ZZEF1: variants seen among roughly 807,000 people sequenced by gnomAD.
The protein encoded by ZZEF1 is zinc finger ZZ-type and EF-hand domain containing 1.
In ZZEF1, 157 loss-of-function variants were observed where a neutral mutation model predicts 342.8. The observed-to-expected ratio is 0.46, with a 90% CI of 0.40 to 0.52. ZZEF1 has a LOEUF of 0.52. Among genes scored for constraint, ZZEF1 ranks in the 20% least tolerant of loss-of-function variants. The pLI, the probability that ZZEF1 is intolerant of heterozygous loss-of-function variation, is 0.00. For synonymous variants in ZZEF1, 1,505 were observed against 1,429.1 expected (o/e 1.05, Z -1.20); for missense variants, 3,480 against 3,725.6 (o/e 0.93, Z 1.72).
Position 4,133,229 on chromosome 17 carries a change from G to A in ZZEF1, c.355-9178C>T, listed in dbSNP as rs550979705. On this transcript the variant is annotated intron_variant, in intron 1 of 54. Transcript: ENST00000381638. The stretch of plus-strand genomic sequence containing the variant: ...TATTTGGGCACTCGTTAAATGCCAG[G>A]CACCGAGCAGAGCATTTTATATACT... 2.0e-5 allele frequency among the ~76,000 whole-genome samples: 3 copies of A among 152,204 alleles called. No homozygotes were observed. The South Asian group carries it at 6.2e-4, about 32-fold the overall frequency.
At chr17:4,063,610 G>A (rs2057328900) in intron 29 of ZZEF1, among the ~76,000 whole-genome samples, 1 of 152,102 alleles carries the variant, frequency 6.6e-6, no homozygotes, top group South Asian at 2.1e-4. Context: ...CACCCAGGCT[G>A]GAGTTAAGTG....
chr17:4,072,860 A>G (rs1403996288), intron 24 of ZZEF1, 104 bp from the exon 25 acceptor site: 2 of 1,202,348 alleles, frequency 1.7e-6, no homozygotes, highest in East Asian at 2.5e-5. Flanking sequence ...GATACTATTA[A>G]AACTTAGAGA....
intron 34 of ZZEF1, 100 bp from the exon 35 acceptor site, chr17:4,052,236 G>C: frequency 8.2e-7 from 1 of 1,224,340 alleles, no homozygotes; most frequent in Non-Finnish European, 1.1e-6. Flanking sequence ...CCGTTCCCAA[G>C]TGACTGCTCA....
intron 39 of ZZEF1, among the ~76,000 whole-genome samples, chr17:4,040,918 C>T (rs529996873): frequency 1.3e-5 from 2 of 152,336 alleles, no homozygotes; most frequent in African/African-American, 4.8e-5. Context: ...GAGATGGTTG[C>T]TCAACGTGCT....
chr17:4,141,433 C>T (rs941581410), intron 1 of ZZEF1, among the ~76,000 whole-genome samples: 2 of 152,190 alleles, frequency 1.3e-5, no homozygotes, highest in Non-Finnish European at 2.9e-5. Context: ...TTCTACATGA[C>T]TGGCTAACTC....
At chr17:4,059,124 A>T (rs752830200) in intron 31 of ZZEF1, 47 bp downstream of exon 31, 1 of 1,455,148 alleles carries the variant, frequency 6.9e-7, no homozygotes, top group Admixed American at 2.8e-5. Flanking sequence ...TTATAATCAG[A>T]AAAAAATACA....
chr17:4,029,132 G>C (rs1479357343), intron 42 of ZZEF1, among the ~76,000 whole-genome samples: 1 of 152,098 alleles, frequency 6.6e-6, no homozygotes, highest in African/African-American at 2.4e-5. Flanking sequence ...ACATCTATAG[G>C]ATACTCCACC....
At chr17:4,031,380 T>C (rs543076258) in intron 42 of ZZEF1, among the ~76,000 whole-genome samples, 37 of 150,528 alleles carry the variant, frequency 2.5e-4, no homozygotes, top group African/African-American at 8.8e-4. Context: ...AGTGTAGTAC[T>C]GAAGTAAGGA....
chr17:4,103,257 A>G (rs1423403781), intron 8 of ZZEF1, among the ~76,000 whole-genome samples: 1 of 152,134 alleles, frequency 6.6e-6, no homozygotes, highest in Non-Finnish European at 1.5e-5. Flanking sequence ...AAAAAATTAA[A>G]CAGGCTGGGC....
chr17:4,074,727 T>C (rs1300782942), intron 23 of ZZEF1, among the ~76,000 whole-genome samples: 1 of 152,218 alleles, frequency 6.6e-6, no homozygotes, highest in Non-Finnish European at 1.5e-5. Context: ...CAGCTCTAAC[T>C]GTGAGGCAGA....
intron 2 of ZZEF1, among the ~76,000 whole-genome samples, chr17:4,123,093 T>C (rs2058510902): frequency 6.6e-6 from 1 of 151,676 alleles, no homozygotes; most frequent in African/African-American, 2.4e-5. Context: ...ATAATTTTTT[T>C]GTATTTTCAG....
chr17:4,129,589 A>G (rs1261913851), intron 1 of ZZEF1, among the ~76,000 whole-genome samples: 1 of 152,180 alleles, frequency 6.6e-6, no homozygotes, highest in Non-Finnish European at 1.5e-5. Context: ...CTGTAATCCC[A>G]GCACTTTGGG....
rs761399620 is a variant in ZZEF1, at chr17:4,070,858, G to A, written c.3901C>T (p.Gln1301Ter). ...TCTGAATATGGCCCACAGAAGTTCTGAGCAGGCTCTGACTGGGCAAAATCA... is the reference window on the plus strand; with the variant it reads ...TCTGAATATGGCCCACAGAAGTTCTAAGCAGGCTCTGACTGGGCAAAATCA... ...LLDFAQSEPA[Q>*]NFCGPYSELF... is the part of the protein sequence containing the mutation. Residue 1301 changes from glutamine to a stop codon, truncating the protein, a stop_gained, in exon 26 of 55, where the codon CAG (glutamine) becomes TAG (stop). Coordinates refer to ENST00000381638, the MANE Select transcript of ZZEF1 (RefSeq NM_015113.4). LOFTEE classifies it high-confidence loss of function. The A allele has an allele frequency of 1.9e-6, 3 of 1,613,980 alleles. No homozygotes were observed. Among genetic ancestry groups the A allele is most frequent in the Non-Finnish European group, 2.5e-6 (3 of 1,180,032 alleles).
At position 4,044,425 on chromosome 17, in the gene ZZEF1, C is replaced by T. The variant is rs190772927; in HGVS notation, c.6016-51G>A. ...TTAAGGTTTCTTATAACAAAGTTTG[C>T]TCCATGATTATGATAACTTTTTAAT... is the stretch of plus-strand genomic sequence containing the variant. On this transcript the variant is annotated intron_variant, in intron 37 of 54. Coordinates refer to ENST00000381638, the MANE Select transcript of ZZEF1 (RefSeq NM_015113.4). 1.2e-3 allele frequency: 1,917 copies of T among 1,538,088 alleles called. 1 individual carries two copies. The highest frequency in any genetic ancestry group is 2.0e-3 in the Admixed American group (100 of 51,196).
Position 4,005,340 on chromosome 17 carries a change from A to C in ZZEF1, c.*1550T>G, listed in dbSNP as rs1473853927. 1 of 152,472 alleles carries C rather than the reference A, an allele frequency of 6.6e-6. No homozygotes were observed. Among genetic ancestry groups the C allele is most frequent in the East Asian group, 1.9e-4 (1 of 5,200 alleles). 9.4% of individuals were successfully genotyped at this position (152,472 alleles called of 1,614,324 possible). A position where few individuals can be genotyped will look rare whatever the true frequency, so the allele number is the denominator to read the frequency against. ...CACCTGCCTATTCAGGTCCCAAGCC[A>C]CAGGAACCAGGCCAGGCCTTTCCAC... On this transcript the variant is annotated 3_prime_UTR_variant, in exon 55 of 55. Transcript: ENST00000381638.
intron 53 of ZZEF1, chr17:4,009,168 G>A: frequency 3.3e-6 from 2 of 614,742 alleles, no homozygotes; most frequent in South Asian, 2.0e-5. Flanking sequence ...CTGCCCTTGG[G>A]TGACCAGGCC....
At chr17:4,053,363 G>T (rs74666729) in intron 34 of ZZEF1, among the ~76,000 whole-genome samples, 1 of 152,144 alleles carries the variant, frequency 6.6e-6, no homozygotes, top group Non-Finnish European at 1.5e-5. Context: ...GCCCTTGATG[G>T]TGATACCATC....
intron 12 of ZZEF1, 133 bp downstream of exon 12, chr17:4,090,586 C>G: frequency 1.5e-6 from 1 of 686,212 alleles, no homozygotes; most frequent in Non-Finnish European, 2.6e-6. Context: ...CTGTCTCTCC[C>G]ACAGAGTATG....
At chr17:4,109,596 G>A in intron 6 of ZZEF1, 57 bp downstream of exon 6, 1 of 1,562,698 alleles carries the variant, frequency 6.4e-7, no homozygotes, top group Non-Finnish European at 8.8e-7. Flanking sequence ...CGCCCTAAAG[G>A]ATGATGGGAG....
Sources: allele counts gnomAD v4.1 joint callset (sites outside exome capture counted in the v4.1 genomes callset), GRCh38; gene constraint gnomAD v4.1.1; transcripts MANE v1.5; gene names NCBI Gene and HGNC (gene_info 2026-07-23, HGNC 2026-07-21).